Variants in RBFOX1 observed in about 807,000 individuals in gnomAD.
The protein encoded by RBFOX1 is RNA binding fox-1 homolog 1, also known as RNA binding protein fox-1 homolog 1.
A neutral mutation model predicts 57.7 loss-of-function variants in RBFOX1; 8 were observed. The observed-to-expected ratio is 0.14, with a 90% CI of 0.08 to 0.25. The LOEUF is 0.25. Ranked by LOEUF, RBFOX1 falls within the 10% of genes least tolerant of loss-of-function variation. The pLI is 1.00. For synonymous variants in RBFOX1, 326 were observed against 222.4 expected (o/e 1.47, Z -4.15); for missense variants, 611 against 548.5 (o/e 1.11, Z -1.14).
intron 4 of RBFOX1, among the ~76,000 whole-genome samples, chr16:7,211,690 C>T (rs904204905): frequency 7.9e-5 from 12 of 151,990 alleles, no homozygotes; most frequent in African/African-American, 2.9e-4. Flanking sequence ...TGATTCCTGC[C>T]CTGGGGTAAT....
At chr16:6,497,147 A>T (rs999971665) in intron 2 of RBFOX1, among the ~76,000 whole-genome samples, 9 of 152,212 alleles carry the variant, frequency 5.9e-5, no homozygotes, top group African/African-American at 2.2e-4. Context: ...TACATTGCTA[A>T]CATGGAGTGG....
intron 4 of RBFOX1, among the ~76,000 whole-genome samples, chr16:7,303,034 G>T (rs1365704313): frequency 1.3e-5 from 2 of 152,202 alleles, no homozygotes; most frequent in Non-Finnish European, 2.9e-5. Context: ...TCCCTACCCT[G>T]TGCATTTATA....
At chr16:7,237,393 T>C (rs918458872) in intron 4 of RBFOX1, among the ~76,000 whole-genome samples, 2 of 152,178 alleles carry the variant, frequency 1.3e-5, no homozygotes, top group African/African-American at 2.4e-5. Flanking sequence ...TAATTAATAA[T>C]AATTTGAACT....
intron 1 of RBFOX1, among the ~76,000 whole-genome samples, chr16:5,325,503 C>T (rs1342783815): frequency 6.6e-6 from 1 of 152,120 alleles, no homozygotes; most frequent in East Asian, 1.9e-4. Context: ...AATTTTAACA[C>T]ATATATAGAT....
chr16:6,767,123 C>T (rs544936061), intron 3 of RBFOX1, among the ~76,000 whole-genome samples: 11 of 152,166 alleles, frequency 7.2e-5, no homozygotes, highest in African/African-American at 2.7e-4. Context: ...GACCACCTCT[C>T]TTGCATTTTT....
intron 2 of RBFOX1, among the ~76,000 whole-genome samples, chr16:6,471,993 A>G (rs951746615): frequency 2.6e-5 from 4 of 152,296 alleles, no homozygotes; most frequent in South Asian, 4.1e-4. Context: ...ATTTCTCTTT[A>G]TCTCCTTGTC....
At chr16:7,259,294 C>G (rs182694709) in intron 4 of RBFOX1, among the ~76,000 whole-genome samples, 1 of 152,100 alleles carries the variant, frequency 6.6e-6, no homozygotes. Flanking sequence ...AGGCTTAAAC[C>G]CTATGGAAAC....
At chr16:5,933,762 C>G (rs2059115451) in intron 4 of RBFOX1, among the ~76,000 whole-genome samples, 1 of 150,166 alleles carries the variant, frequency 6.7e-6, no homozygotes, top group Non-Finnish European at 1.5e-5. Context: ...TTTGGGAGGG[C>G]TGGTGGCCAC....
In RBFOX1 at chr16:7,712,330, A is replaced by G. The variant is rs1406766761; in HGVS notation, c.*1585A>G. 3 of 152,436 alleles carry G rather than the reference A, an allele frequency of 2.0e-5. No individual in the cohort carries two copies. Among genetic ancestry groups the G allele is most frequent in the Non-Finnish European group, 4.4e-5 (3 of 68,020 alleles). The allele number at this position is 152,436 out of a possible 1,614,324, so 9.4% of individuals were successfully genotyped here. On this transcript the variant is annotated 3_prime_UTR_variant, in exon 16 of 16. Coordinates refer to ENST00000550418, the MANE Select transcript of RBFOX1 (RefSeq NM_018723.4). ...TGGCCCGCACTTCAGTAAGTTATCA[A>G]CTCTCACCGCTGTGAACCTGCCAAT...
At chr16:7,497,169 C>G (rs886405265) in intron 4 of RBFOX1, among the ~76,000 whole-genome samples, 1 of 152,200 alleles carries the variant, frequency 6.6e-6, no homozygotes, top group African/African-American at 2.4e-5. Context: ...GGATCAAATA[C>G]AAACTACTTT....
At chr16:6,256,778 G>T (rs913938631) in intron 1 of RBFOX1, among the ~76,000 whole-genome samples, 2 of 152,066 alleles carry the variant, frequency 1.3e-5, no homozygotes, top group Non-Finnish European at 2.9e-5. Flanking sequence ...CCCAGACATT[G>T]ACTAATGTTC....
chr16:7,689,906 G>T (rs944755089), intron 14 of RBFOX1, among the ~76,000 whole-genome samples: 4 of 152,010 alleles, frequency 2.6e-5, no homozygotes, highest in African/African-American at 9.7e-5. Context: ...ACCCTTTCTT[G>T]GATACTGTAT....
intron 4 of RBFOX1, among the ~76,000 whole-genome samples, chr16:7,431,884 C>T (rs780136327): frequency 6.6e-6 from 1 of 152,174 alleles, no homozygotes; most frequent in Non-Finnish European, 1.5e-5. Context: ...AAGACCTTTC[C>T]CCCACCATCC....
At chr16:5,678,487 G>C (rs1416621409) in intron 3 of RBFOX1, among the ~76,000 whole-genome samples, 1 of 152,314 alleles carries the variant, frequency 6.6e-6, no homozygotes, top group Non-Finnish European at 1.5e-5. Context: ...CAAGCGGGTA[G>C]GGCAAGGTCT....
chr16:6,619,586 C>G (rs540660757), intron 2 of RBFOX1, among the ~76,000 whole-genome samples: 4 of 152,058 alleles, frequency 2.6e-5, no homozygotes, highest in Admixed American at 2.0e-4. Context: ...CTCATGAAAC[C>G]TATGCGTCTA....
At position 5,759,146 on chromosome 16, in the gene RBFOX1, C is replaced by T. The variant is rs79093991; in HGVS notation, c.319-108157C>T. Among the ~76,000 whole-genome samples the T allele has an allele frequency of 3.2e-3, 482 of 152,262 alleles. 4 individuals are homozygous for T. Among genetic ancestry groups the T allele is most frequent in the Middle Eastern group, 0.017 (5 of 294 alleles). On this transcript the variant is annotated intron_variant, in intron 3 of 19. Transcript: ENST00000641259. ...CTTTCCTTTTGATGTTTATTTTTGG[C>T]AGTATCAGTAGGGGTTCATTAGCCT...
chr16:6,274,523 T>TG lies in RBFOX1; in HGVS notation c.-126-42471dup, dbSNP rs2075581752. 2.0e-5 allele frequency among the ~76,000 whole-genome samples: 3 copies of TG among 152,124 alleles called. No individual in the cohort carries two copies. The South Asian group carries it at 6.2e-4, about 32-fold the overall frequency. On this transcript the variant is annotated intron_variant, in intron 1 of 15. Transcript: ENST00000550418. ...GAACAGATTAGTCATTGCCAGGGGT[T>TG]GAGAGGAGACAGGGAGGAGGAAGGA...
intron 1 of RBFOX1, among the ~76,000 whole-genome samples, chr16:6,156,075 T>A (rs1281917257): frequency 6.6e-6 from 1 of 152,122 alleles, no homozygotes; most frequent in Non-Finnish European, 1.5e-5. Context: ...AGAAGCAGGG[T>A]AGGATTCAAG....
chr16:6,575,803 G>T (rs532005840), intron 2 of RBFOX1, among the ~76,000 whole-genome samples: 1 of 151,106 alleles, frequency 6.6e-6, no homozygotes, highest in Non-Finnish European at 1.5e-5. Flanking sequence ...GTTGTAGTTA[G>T]CCAAGATCAC....
Sources: gnomAD v4.1 joint callset for allele counts (sites outside exome capture counted in the v4.1 genomes callset) on GRCh38, gnomAD v4.1.1 for gene constraint, MANE v1.5 for transcripts, NCBI Gene and HGNC (gene_info 2026-07-23, HGNC 2026-07-21) for gene names.